UTRN: variants seen among roughly 807,000 people sequenced by gnomAD.
UTRN encodes the protein dystrophin-related protein 1.
Under a neutral mutation model 463.9 loss-of-function variants are expected in UTRN, and 283 were observed. That is an observed-to-expected ratio of 0.61 (90% CI 0.55 to 0.67). The LOEUF (loss-of-function observed/expected upper bound fraction) is 0.67, where lower values mean the gene tolerates loss of function less well. UTRN is among the 30% of genes least tolerant of loss of function. The probability of loss-of-function intolerance (pLI) is 0.00; values close to 1 mark genes in which losing one functional copy is unlikely to be tolerated. For synonymous variants in UTRN, 1,442 were observed against 1,431.5 expected (o/e 1.01, Z -0.17); for missense variants, 3,922 against 4,084.3 (o/e 0.96, Z 1.08).
At chr6:144,394,463 C>T (rs1458234651) in intron 2 of UTRN, among the ~76,000 whole-genome samples, 1 of 152,136 alleles carries the variant, frequency 6.6e-6, no homozygotes, top group Admixed American at 6.5e-5. Context: ...CTACCAGGTT[C>T]CTCCCATAAC....
intron 51 of UTRN, among the ~76,000 whole-genome samples, chr6:144,638,536 G>C (rs1032352025): frequency 6.6e-6 from 1 of 152,110 alleles, no homozygotes; most frequent in Admixed American, 6.5e-5. Flanking sequence ...CTTAACATAG[G>C]TCTGTCATAG....
At chr6:144,402,428 A>G (rs890443970) in intron 2 of UTRN, among the ~76,000 whole-genome samples, 4 of 152,266 alleles carry the variant, frequency 2.6e-5, no homozygotes, top group African/African-American at 9.6e-5. Context: ...AAATCCTTCT[A>G]CCCATATTTC....
intron 66 of UTRN, among the ~76,000 whole-genome samples, chr6:144,822,370 T>C (rs1014978430): frequency 6.6e-6 from 1 of 152,026 alleles, no homozygotes; most frequent in Non-Finnish European, 1.5e-5. Flanking sequence ...CAGAAAGAAA[T>C]ACAATGCAAA....
intron 51 of UTRN, among the ~76,000 whole-genome samples, chr6:144,638,222 A>G (rs1777389641): frequency 6.6e-6 from 1 of 152,260 alleles, no homozygotes; most frequent in African/African-American, 2.4e-5. Flanking sequence ...ATTTGAAACA[A>G]TTTTGAAGTA....
intron 41 of UTRN, among the ~76,000 whole-genome samples, chr6:144,530,716 A>G (rs1796969659): frequency 6.6e-6 from 1 of 152,038 alleles, no homozygotes; most frequent in Non-Finnish European, 1.5e-5. Context: ...TTAGTTAAAA[A>G]GCTGCTCGAG....
intron 54 of UTRN, among the ~76,000 whole-genome samples, chr6:144,740,472 A>G (rs1394018096): frequency 2.0e-5 from 3 of 152,202 alleles, no homozygotes; most frequent in Admixed American, 6.5e-5. Flanking sequence ...AAAAATTTGA[A>G]GTATAAGTAA....
chr6:144,603,528 G>T (rs917579118), intron 51 of UTRN, among the ~76,000 whole-genome samples: 1 of 152,100 alleles, frequency 6.6e-6, no homozygotes, highest in African/African-American at 2.4e-5. Flanking sequence ...ATGACAAATT[G>T]TTTATTTCCT....
At chr6:144,551,303 T>C (rs1479238266) in intron 48 of UTRN, among the ~76,000 whole-genome samples, 4 of 152,200 alleles carry the variant, frequency 2.6e-5, no homozygotes, top group Non-Finnish European at 5.9e-5. Context: ...ATGAAGTCCT[T>C]AATTATTAAC....
chr6:144,798,448 G>A (rs567932540), intron 64 of UTRN, among the ~76,000 whole-genome samples: 3 of 152,194 alleles, frequency 2.0e-5, no homozygotes, highest in African/African-American at 4.8e-5. Context: ...ACATTAACCC[G>A]ACTTCTTCCC....
chr6:144,673,904 C>T (rs1204903037), intron 51 of UTRN, among the ~76,000 whole-genome samples: 1 of 152,090 alleles, frequency 6.6e-6, no homozygotes, highest in African/African-American at 2.4e-5. Flanking sequence ...ATTTATGAAG[C>T]TTAGTTTCAC....
chr6:144,840,849 G>A lies in UTRN; in HGVS notation c.10270+17G>A. Reference sequence around the variant, plus strand: ...CTTGCTGCCGTGAGTATGAAAGATTGCAGCACCACAGCTGCACGTGTTCCT... The same window carrying A: ...CTTGCTGCCGTGAGTATGAAAGATTACAGCACCACAGCTGCACGTGTTCCT... On this transcript the variant is annotated intron_variant, in intron 73 of 74. Transcript: ENST00000367545. 1.2e-6 allele frequency: 2 copies of A among 1,613,504 alleles called. No individual in the cohort carries two copies. Among genetic ancestry groups the A allele is most frequent in the Non-Finnish European group, 8.5e-7 (1 of 1,179,760 alleles).
rs1308412908 is a variant in UTRN at position 144,462,655 on chromosome 6, C to A, written c.2855C>A (p.Thr952Asn). The change falls in exon 23 of 75, where the codon ACC becomes AAC. Residue 952 changes from threonine to asparagine, a missense_variant and splice_region_variant. By Grantham distance (65) the Thr-to-Asn change is moderately conservative (BLOSUM62 0). Around this residue, in one of 3 missense-constraint regions of UTRN, gnomAD observed 2,349 missense variants for 2,303.8 expected, o/e 1.02. Transcript: ENST00000367545. ...KVEKALQEKK[T>N]LDEILENQKP... is the part of the protein sequence containing the mutation. ...TTAATCTTTTAAAACTTTTTCCAGACCCTTGATGAAATCCTTGAGAATCAG... is the reference window on the plus strand; with the variant it reads ...TTAATCTTTTAAAACTTTTTCCAGAACCTTGATGAAATCCTTGAGAATCAG... 1.9e-5 allele frequency: 31 copies of A among 1,599,960 alleles called. No individual in the cohort carries two copies. The highest frequency in any genetic ancestry group is 2.6e-5 in the Non-Finnish European group (31 of 1,176,408).
intron 7 of UTRN, among the ~76,000 whole-genome samples, chr6:144,426,752 A>G (rs1189441579): frequency 6.6e-6 from 1 of 152,232 alleles, no homozygotes; most frequent in Non-Finnish European, 1.5e-5. Flanking sequence ...ATTCAGCACT[A>G]ACTGATAATG....
chr6:144,517,508 T>C (rs1401608808), intron 39 of UTRN, among the ~76,000 whole-genome samples: 1 of 152,140 alleles, frequency 6.6e-6, no homozygotes, highest in African/African-American at 2.4e-5. Flanking sequence ...CTCCAGCTCT[T>C]TTTTAAACGG....
intron 39 of UTRN, among the ~76,000 whole-genome samples, chr6:144,521,403 C>G (rs1484187900): frequency 6.6e-6 from 1 of 152,160 alleles, no homozygotes; most frequent in Admixed American, 6.5e-5. Flanking sequence ...TATGACACTT[C>G]ATGATCTATT....
intron 58 of UTRN, among the ~76,000 whole-genome samples, chr6:144,760,349 T>G (rs913670052): frequency 9.9e-5 from 15 of 152,122 alleles, no homozygotes; most frequent in African/African-American, 3.6e-4. Flanking sequence ...GGCCACTATT[T>G]TAAATAATAA....
At chr6:144,705,879 T>C (rs953949380) in intron 53 of UTRN, among the ~76,000 whole-genome samples, 1 of 151,236 alleles carries the variant, frequency 6.6e-6, no homozygotes, top group Non-Finnish European at 1.5e-5. Flanking sequence ...ACTATAAATA[T>C]TATATAAAAT....
At chr6:144,364,247 T>C (rs1484533652) in intron 2 of UTRN, among the ~76,000 whole-genome samples, 1 of 152,232 alleles carries the variant, frequency 6.6e-6, no homozygotes, top group Non-Finnish European at 1.5e-5. Context: ...TGTGAGAGTC[T>C]CCCTCTTGTT....
chr6:144,657,518 T>C (rs1779445452), intron 51 of UTRN, among the ~76,000 whole-genome samples: 1 of 152,192 alleles, frequency 6.6e-6, no homozygotes, highest in South Asian at 2.1e-4. Flanking sequence ...AAAGTTCCCA[T>C]GCTCTTATCT....
Sources: allele counts gnomAD v4.1 joint callset (sites outside exome capture counted in the v4.1 genomes callset), GRCh38; gene constraint gnomAD v4.1.1; regional missense constraint gnomAD v4.1.1; transcripts MANE v1.5; gene names NCBI Gene and HGNC (gene_info 2026-07-23, HGNC 2026-07-21).